The following ARHGEF3 variants were observed in gnomAD, a reference collection of about 807,000 sequenced individuals.
ARHGEF3 encodes the protein Rho guanine nucleotide exchange factor 3.
A neutral mutation model predicts 63.2 loss-of-function variants in ARHGEF3; 28 were observed. The ratio of observed to expected loss-of-function variants is 0.44; its 90% confidence interval spans 0.33 to 0.61. The LOEUF (loss-of-function observed/expected upper bound fraction) is 0.61, where lower values mean the gene tolerates loss of function less well. Among genes scored for constraint, ARHGEF3 ranks in the 20% least tolerant of loss-of-function variants. The pLI is 0.03. For synonymous variants in ARHGEF3, 266 were observed against 254.2 expected (o/e 1.05, Z -0.44); for missense variants, 533 against 659.3 (o/e 0.81, Z 2.10).
chr3:56,735,049 C>T (rs1404773919), intron 8 of ARHGEF3, among the ~76,000 whole-genome samples: 3 of 152,064 alleles, frequency 2.0e-5, no homozygotes, highest in African/African-American at 2.4e-5. Flanking sequence ...TTTGGGAGGC[C>T]GAGGTGGACG....
chr3:56,900,463 C>A (rs2041466572), intron 3 of ARHGEF3, among the ~76,000 whole-genome samples: 1 of 152,034 alleles, frequency 6.6e-6, no homozygotes, highest in African/African-American at 2.4e-5. Flanking sequence ...CATGGCAGAA[C>A]CCAATCTCTA....
At chr3:57,006,747 C>G (rs553640976) in intron 2 of ARHGEF3, among the ~76,000 whole-genome samples, 1 of 152,316 alleles carries the variant, frequency 6.6e-6, no homozygotes, top group South Asian at 2.1e-4. Flanking sequence ...TCGACACCCC[C>G]CCAAACACGG....
At chr3:56,782,190 G>A (rs1390217580) in intron 1 of ARHGEF3, among the ~76,000 whole-genome samples, 2 of 151,714 alleles carry the variant, frequency 1.3e-5, no homozygotes, top group Admixed American at 1.3e-4. Flanking sequence ...TTTTCCCCTG[G>A]CACAGAGCTA....
At chr3:56,974,854 A>G (rs1484085921) in intron 2 of ARHGEF3, among the ~76,000 whole-genome samples, 1 of 152,136 alleles carries the variant, frequency 6.6e-6, no homozygotes. Context: ...TTATTTTTCT[A>G]AAGTTTTGCC....
intron 4 of ARHGEF3, among the ~76,000 whole-genome samples, chr3:56,824,378 C>G (rs1373913028): frequency 2.0e-5 from 3 of 152,104 alleles, no homozygotes; most frequent in Non-Finnish European, 4.4e-5. Context: ...AGCAGCCAGG[C>G]TTTTTTGATC....
At chr3:56,992,231 G>A (rs1701778018) in intron 2 of ARHGEF3, among the ~76,000 whole-genome samples, 4 of 151,714 alleles carry the variant, frequency 2.6e-5, no homozygotes, top group Admixed American at 6.6e-5. Context: ...TTTTGCCCAG[G>A]CTAAGTATAT....
intron 2 of ARHGEF3, among the ~76,000 whole-genome samples, chr3:56,974,120 C>T (rs138768915): frequency 6.3e-4 from 96 of 152,204 alleles, no homozygotes; most frequent in African/African-American, 2.2e-3. Flanking sequence ...CTGAGAACAG[C>T]CACTTCATTA....
At chr3:56,966,915 G>C (rs1219672435) in intron 2 of ARHGEF3, among the ~76,000 whole-genome samples, 1 of 150,368 alleles carries the variant, frequency 6.7e-6, no homozygotes, top group Non-Finnish European at 1.5e-5. Flanking sequence ...CCAGGCTGGA[G>C]TGCAATAGCG....
chr3:56,895,192 G>C (rs533853788), intron 3 of ARHGEF3, among the ~76,000 whole-genome samples: 9 of 152,018 alleles, frequency 5.9e-5, no homozygotes, highest in African/African-American at 1.9e-4. Flanking sequence ...CTTCTTTCCA[G>C]GCGCTGCATC....
chr3:57,068,158 C>T (rs1407718558), intron 1 of ARHGEF3, among the ~76,000 whole-genome samples: 1 of 75,964 alleles, frequency 1.3e-5, no homozygotes, highest in Non-Finnish European at 2.6e-5. Context: ...GATATGCGCG[C>T]ACACACACAT....
At chr3:56,929,940 G>A (rs1016225862) in intron 3 of ARHGEF3, among the ~76,000 whole-genome samples, 3 of 152,088 alleles carry the variant, frequency 2.0e-5, no homozygotes, top group African/African-American at 4.8e-5. Context: ...CAATGCAACT[G>A]ACAATGCTTT....
intron 1 of ARHGEF3, among the ~76,000 whole-genome samples, chr3:56,792,147 ATAAC>A (rs1156589972): frequency 3.6e-5 from 3 of 83,010 alleles, no homozygotes; most frequent in African/African-American, 9.4e-5. Context: ...AGAAAAGAAA[ATAAC>A]TGACTACTAT....
At chr3:56,912,949 G>A (rs1320750479) in intron 3 of ARHGEF3, among the ~76,000 whole-genome samples, 1 of 152,084 alleles carries the variant, frequency 6.6e-6, no homozygotes, top group East Asian at 1.9e-4. Context: ...ACGAGCCTGG[G>A]CAACATTGCA....
At chr3:57,055,179 T>TTTTTTTA (rs1704866513) in intron 1 of ARHGEF3, among the ~76,000 whole-genome samples, 2 of 150,894 alleles carry the variant, frequency 1.3e-5, no homozygotes, top group African/African-American at 4.9e-5. Flanking sequence ...TTTTTTTTTT[T>TTTTTTTA]GAGACGAAGT....
intron 3 of ARHGEF3, among the ~76,000 whole-genome samples, chr3:56,955,737 T>C (rs1700016610): frequency 6.6e-6 from 1 of 152,238 alleles, no homozygotes; most frequent in Non-Finnish European, 1.5e-5. Context: ...ATGTGTCAGC[T>C]AGATGATGCC....
intron 3 of ARHGEF3, among the ~76,000 whole-genome samples, chr3:56,920,392 T>C (rs1010199524): frequency 2.0e-5 from 3 of 152,162 alleles, no homozygotes; most frequent in Non-Finnish European, 2.9e-5. Flanking sequence ...ACCAGAACCA[T>C]GTTTCCTGTG....
At chr3:56,754,874 G>T in intron 3 of ARHGEF3, 107 bp downstream of exon 3, 2 of 1,420,042 alleles carry the variant, frequency 1.4e-6, no homozygotes, top group Non-Finnish European at 1.9e-6. Context: ...TTCTGCAAAC[G>T]CAATGAAGAA....
intron 3 of ARHGEF3, among the ~76,000 whole-genome samples, chr3:56,889,662 C>T (rs148313705): frequency 6.6e-6 from 1 of 152,204 alleles, no homozygotes; most frequent in Non-Finnish European, 1.5e-5. Flanking sequence ...GACTGCCAAA[C>T]CACTGACCTC....
At chr3:57,052,887 G>C (rs1018496540) in intron 1 of ARHGEF3, among the ~76,000 whole-genome samples, 8 of 152,088 alleles carry the variant, frequency 5.3e-5, no homozygotes, top group Non-Finnish European at 7.4e-5. Flanking sequence ...GGCCCATCCA[G>C]CTTGGAGATC....
Sources: allele counts gnomAD v4.1 joint callset (sites outside exome capture counted in the v4.1 genomes callset), GRCh38; gene constraint gnomAD v4.1.1; transcripts MANE v1.5; gene names NCBI Gene and HGNC (gene_info 2026-07-23, HGNC 2026-07-21).